The following SLC35F3 variants were observed in gnomAD, a reference collection of about 807,000 sequenced individuals.
The protein encoded by SLC35F3 is solute carrier family 35 member F3, also known as putative thiamine transporter SLC35F3.
In SLC35F3, 25 loss-of-function variants were observed where a neutral mutation model predicts 49.9. The observed-to-expected ratio is 0.50, with a 90% CI of 0.37 to 0.70. The LOEUF is 0.70. SLC35F3 is among the 30% of genes least tolerant of loss of function. SLC35F3 has a pLI of 0.00. For synonymous variants in SLC35F3, 275 were observed against 265.4 expected (o/e 1.04, Z -0.35); for missense variants, 525 against 639.8 (o/e 0.82, Z 1.94).
chr1:234,112,043 G>T lies in SLC35F3; in HGVS notation c.284-119374G>T, dbSNP rs542481698. Among the ~76,000 whole-genome samples the T allele has an allele frequency of 9.2e-5, 14 of 152,240 alleles. No homozygotes were observed. The East Asian group carries it at 1.4e-3, about 15-fold the overall frequency. On this transcript the variant is annotated intron_variant, in intron 2 of 7. Transcript: ENST00000366618. ...TCTCATCCTTGCCATGGCTGTGCTG[G>T]TTAATTCAGTGCTTAGACCAGGTGC...
At chr1:234,153,925 T>C (rs936679113) in intron 2 of SLC35F3, among the ~76,000 whole-genome samples, 10 of 151,968 alleles carry the variant, frequency 6.6e-5, no homozygotes, top group Admixed American at 3.3e-4. Context: ...TAGCCGGGCA[T>C]GGCGGCAGGC....
chr1:234,255,518 C>T (rs531783987), intron 3 of SLC35F3, among the ~76,000 whole-genome samples: 1 of 152,174 alleles, frequency 6.6e-6, no homozygotes, highest in African/African-American at 2.4e-5. Flanking sequence ...CCCAAATGAG[C>T]TGAAAACTTA....
chr1:234,269,657 C>T (rs766407872), intron 3 of SLC35F3, among the ~76,000 whole-genome samples: 9 of 152,120 alleles, frequency 5.9e-5, no homozygotes, highest in Admixed American at 2.0e-4. Context: ...TTATTCGATG[C>T]GGGGCCTAAT....
At chr1:234,014,268 G>A (rs1179696771) in intron 2 of SLC35F3, among the ~76,000 whole-genome samples, 1 of 152,130 alleles carries the variant, frequency 6.6e-6, no homozygotes, top group Admixed American at 6.5e-5. Context: ...TGCAGAGAAA[G>A]CATTTGACAA....
chr1:234,184,673 T>C (rs6669469), intron 2 of SLC35F3, among the ~76,000 whole-genome samples: 11,941 of 152,182 alleles, frequency 0.078, 1,292 homozygotes, highest in African/African-American at 0.25. Context: ...CAGCACACAG[T>C]TTCCAGGGCC....
chr1:234,219,641 G>A (rs574750621), intron 2 of SLC35F3, among the ~76,000 whole-genome samples: 87 of 152,276 alleles, frequency 5.7e-4, no homozygotes, highest in African/African-American at 1.9e-3. Flanking sequence ...CTCAGTTCTG[G>A]CTGGGACGCA....
chr1:234,049,301 C>A (rs957721176), intron 2 of SLC35F3, among the ~76,000 whole-genome samples: 6 of 151,976 alleles, frequency 3.9e-5, no homozygotes, highest in Non-Finnish European at 8.8e-5. Context: ...GGATTAGTGG[C>A]CTTTAAAGAA....
chr1:234,289,878 A>G (rs1437633345), intron 3 of SLC35F3, among the ~76,000 whole-genome samples: 1 of 152,250 alleles, frequency 6.6e-6, no homozygotes, highest in African/African-American at 2.4e-5. Context: ...ATGAAAGAGA[A>G]AGTTAGCAAA....
At chr1:233,953,125 T>C (rs1177443142) in intron 2 of SLC35F3, among the ~76,000 whole-genome samples, 1 of 152,148 alleles carries the variant, frequency 6.6e-6, no homozygotes, top group East Asian at 1.9e-4. Flanking sequence ...GACTAGAGCC[T>C]GGGAGATCAG....
intron 2 of SLC35F3, among the ~76,000 whole-genome samples, chr1:234,145,924 C>A (rs1261395862): frequency 6.6e-6 from 1 of 152,108 alleles, no homozygotes; most frequent in Non-Finnish European, 1.5e-5. Context: ...TATCTTGTCA[C>A]CTATTAAGAT....
chr1:234,159,932 G>A (rs147894776), intron 2 of SLC35F3, among the ~76,000 whole-genome samples: 480 of 152,282 alleles, frequency 3.2e-3, no homozygotes, highest in South Asian at 6.2e-3. Flanking sequence ...ACCTGTATAT[G>A]TTGCAGGAAT....
intron 2 of SLC35F3, among the ~76,000 whole-genome samples, chr1:234,181,338 G>GAAAA (rs34757532): frequency 2.9e-3 from 278 of 96,856 alleles, no homozygotes; most frequent in African/African-American, 4.3e-3. Context: ...TCTGTCTCAA[G>GAAAA]AAAAAAAAAA....
chr1:234,110,950 G>A (rs1439895755), intron 2 of SLC35F3, among the ~76,000 whole-genome samples: 1 of 152,058 alleles, frequency 6.6e-6, no homozygotes, highest in Admixed American at 6.5e-5. Context: ...TAAAAGATGA[G>A]AAGACTCTTA....
Position 234,214,583 on chromosome 1 carries a change from C to A in SLC35F3, c.284-16834C>A. ...CCTTACCAAAGTGGAAGGTAATGCGCGGCCGCCTCGCCCCGGGGGTCCCTG... is the reference window on the plus strand; with the variant it reads ...CCTTACCAAAGTGGAAGGTAATGCGAGGCCGCCTCGCCCCGGGGGTCCCTG... On this transcript the variant is annotated intron_variant, in intron 2 of 7. Transcript: ENST00000366618. The surrounding 1 kb of genome is among the most constrained non-coding windows in gnomAD (Gnocchi z 8.0). 1 of 1,532,608 alleles carries A rather than the reference C, an allele frequency of 6.5e-7. No individual in the cohort carries two copies. Among genetic ancestry groups the A allele is most frequent in the South Asian group, 1.2e-5 (1 of 81,440 alleles). 94.9% of individuals were successfully genotyped at this position (1,532,608 alleles called of 1,614,324 possible).
chr1:234,108,540 ATATATTATT>A (rs560725073), intron 2 of SLC35F3, among the ~76,000 whole-genome samples: 13,023 of 110,746 alleles, frequency 0.12, 2,290 homozygotes, highest in East Asian at 0.82. Context: ...TATAAAAGAT[ATATATTATT>A]TATATATAAA....
intron 2 of SLC35F3, among the ~76,000 whole-genome samples, chr1:234,090,991 G>C (rs75456152): frequency 5.8e-4 from 89 of 152,298 alleles, no homozygotes; most frequent in Non-Finnish European, 1.2e-3. Flanking sequence ...ACACACCACT[G>C]AGTTGTTCAA....
Position 233,904,903 on chromosome 1 carries a change from C to T in SLC35F3, c.-175C>T. 2.0e-6 allele frequency: 1 copy of T among 505,294 alleles called. No individual in the cohort carries two copies. The highest frequency in any genetic ancestry group is 3.2e-6 in the Non-Finnish European group (1 of 311,950). 31.3% of individuals were successfully genotyped at this position (505,294 alleles called of 1,614,324 possible). A position where few individuals can be genotyped will look rare whatever the true frequency, so the allele number is the denominator to read the frequency against. On this transcript the variant is annotated 5_prime_UTR_variant, in exon 1 of 8. Coordinates refer to ENST00000366618, the MANE Select transcript of SLC35F3 (RefSeq NM_173508.4). ...TGCATCGTGCCGCACGCCGCGGAGG[C>T]GCTCGGGTACAGACCGCGCGGGCGC...
chr1:234,201,912 CAAAAAAAAAA>C (rs11361148), intron 2 of SLC35F3, among the ~76,000 whole-genome samples: 1 of 111,926 alleles, frequency 8.9e-6, no homozygotes, highest in Non-Finnish European at 1.9e-5. Flanking sequence ...GACTTCTTCT[CAAAAAAAAAA>C]AAAAAAAAAG....
chr1:234,154,019 A>G lies in SLC35F3; in HGVS notation c.284-77398A>G, dbSNP rs187825959. ...GGAGCTTGCAGTGAGCCGAGATCAC[A>G]CCACTGCACTCCAGCCTGGGCAACA... On this transcript the variant is annotated intron_variant, in intron 2 of 7. Transcript: ENST00000366618. 7.2e-3 allele frequency among the ~76,000 whole-genome samples: 1,090 copies of G among 151,490 alleles called. 19 individuals carry two copies. The highest frequency in any genetic ancestry group is 0.024 in the African/African-American group (983 of 41,238).
Sources: allele counts gnomAD v4.1 joint callset (sites outside exome capture counted in the v4.1 genomes callset), GRCh38; gene constraint gnomAD v4.1.1; non-coding constraint Gnocchi (gnomAD v3.1); transcripts MANE v1.5; gene names NCBI Gene and HGNC (gene_info 2026-07-23, HGNC 2026-07-21).